The following DCC variants were observed in gnomAD, a reference collection of about 807,000 sequenced individuals.
The protein encoded by DCC is DCC netrin 1 receptor.
A neutral mutation model predicts 172.5 loss-of-function variants in DCC; 58 were observed. The observed-to-expected ratio is 0.34, with a 90% CI of 0.27 to 0.42. The LOEUF (loss-of-function observed/expected upper bound fraction) is 0.42, where lower values mean the gene tolerates loss of function less well. Ranked by LOEUF, DCC falls within the 10% of genes least tolerant of loss-of-function variation. DCC has a pLI of 1.00. For synonymous variants in DCC, 709 were observed against 644.5 expected, an observed-to-expected ratio of 1.10 and a Z score of -1.52; for missense variants, 1,740 against 1,791.0, an observed-to-expected ratio of 0.97 and a Z score of 0.51.
At chr18:52,654,518 C>T (rs1445546298) in intron 1 of DCC, among the ~76,000 whole-genome samples, 1 of 152,100 alleles carries the variant, frequency 6.6e-6, no homozygotes, top group Non-Finnish European at 1.5e-5. Context: ...TCTTCTGAGG[C>T]CTCTCTTTGG....
At chr18:53,247,502 T>G (rs896925529) in intron 12 of DCC, among the ~76,000 whole-genome samples, 1 of 152,014 alleles carries the variant, frequency 6.6e-6, no homozygotes, top group Non-Finnish European at 1.5e-5. Flanking sequence ...GGAAAGAGCA[T>G]AGGAGAGTCT....
At chr18:52,669,875 A>G (rs2035521246) in intron 1 of DCC, among the ~76,000 whole-genome samples, 1 of 152,092 alleles carries the variant, frequency 6.6e-6, no homozygotes, top group South Asian at 2.1e-4. Context: ...CAAAACAAAA[A>G]ACACAAAGTG....
At chr18:53,489,903 G>C (rs1206152276) in intron 26 of DCC, among the ~76,000 whole-genome samples, 1 of 150,942 alleles carries the variant, frequency 6.6e-6, no homozygotes, top group Non-Finnish European at 1.5e-5. Context: ...TATCCCTAGG[G>C]AACAGTTTAG....
At chr18:52,614,379 G>A (rs147092943) in intron 1 of DCC, among the ~76,000 whole-genome samples, 2,558 of 152,230 alleles carry the variant, frequency 0.017, 38 homozygotes, top group Non-Finnish European at 0.024. Context: ...AGATTGCATC[G>A]TGTTCATTAG....
At chr18:52,617,915 G>T (rs2144853809) in intron 1 of DCC, among the ~76,000 whole-genome samples, 1 of 152,200 alleles carries the variant, frequency 6.6e-6, no homozygotes, top group East Asian at 1.9e-4. Flanking sequence ...TCATTCATTT[G>T]AGCCATGTCT....
At chr18:52,832,270 G>A (rs1170754640) in intron 2 of DCC, among the ~76,000 whole-genome samples, 2 of 152,156 alleles carry the variant, frequency 1.3e-5, no homozygotes, top group African/African-American at 4.8e-5. Flanking sequence ...CAATGGCTTA[G>A]TGAGGCCTTC....
chr18:52,425,019 G>A, intron 1 of DCC, among the ~76,000 whole-genome samples: 1 of 151,870 alleles, frequency 6.6e-6, no homozygotes, highest in Non-Finnish European at 1.5e-5. Flanking sequence ...GGGCTTTAGG[G>A]TATACATTGC....
chr18:52,368,628 T>TC (rs2144291224), intron 1 of DCC, among the ~76,000 whole-genome samples: 1 of 152,304 alleles, frequency 6.6e-6, no homozygotes, highest in African/African-American at 2.4e-5. Context: ...GGTGACTTTT[T>TC]CCCACTGTTT....
At position 52,745,384 on chromosome 18, in the gene DCC, C is replaced by T. The variant is rs773165579; in HGVS notation, c.92-6670C>T. 1.3e-4 allele frequency among the ~76,000 whole-genome samples: 20 copies of T among 152,320 alleles called. No homozygotes were observed. In the East Asian group the frequency reaches 1.5e-3, roughly 12 times the overall value. On this transcript the variant is annotated intron_variant, in intron 1 of 28. Transcript: ENST00000442544. ...AGCAAAGTTCTAGAGTTTTAGTTAA[C>T]GTGAGAATTACCTGGAAGACTTCTT...
At chr18:52,998,413 C>G (rs1260046670) in intron 5 of DCC, among the ~76,000 whole-genome samples, 1 of 152,050 alleles carries the variant, frequency 6.6e-6, no homozygotes, top group African/African-American at 2.4e-5. Flanking sequence ...ATGCATCGCT[C>G]TAGACACGAG....
intron 2 of DCC, among the ~76,000 whole-genome samples, chr18:52,877,129 T>C (rs982526230): frequency 8.5e-5 from 13 of 152,224 alleles, no homozygotes; most frequent in African/African-American, 3.1e-4. Context: ...TGCCTTGGTG[T>C]GTATTGGTCT....
chr18:53,005,777 G>C (rs1284510320), intron 5 of DCC, among the ~76,000 whole-genome samples: 2 of 152,132 alleles, frequency 1.3e-5, no homozygotes, highest in African/African-American at 4.8e-5. Flanking sequence ...TGTTATAATT[G>C]TTTGTTGGTT....
At chr18:52,925,652 A>T (rs2040189873) in intron 5 of DCC, among the ~76,000 whole-genome samples, 1 of 152,028 alleles carries the variant, frequency 6.6e-6, no homozygotes, top group South Asian at 2.1e-4. Context: ...GATGTGTTGA[A>T]TAATAAATAT....
In DCC at chr18:53,000,994, C is replaced by T. The variant is rs144698315; in HGVS notation, c.986-62311C>T. On this transcript the variant is annotated intron_variant, in intron 5 of 28. Coordinates refer to ENST00000442544, the MANE Select transcript of DCC (RefSeq NM_005215.4). The stretch of plus-strand genomic sequence containing the variant: ...ATAGGCGTGAGGATGTGTTACTGTG[C>T]ATCTCTTCCCAACTTTATGTTCAGT... 4.6e-5 allele frequency among the ~76,000 whole-genome samples: 7 copies of T among 151,996 alleles called. No individual in the cohort carries two copies. In the East Asian group the frequency reaches 1.4e-3, roughly 30 times the overall value.
intron 2 of DCC, among the ~76,000 whole-genome samples, chr18:52,900,992 G>T (rs1325925655): frequency 6.6e-6 from 1 of 152,214 alleles, no homozygotes; most frequent in African/African-American, 2.4e-5. Flanking sequence ...AAACAACAAA[G>T]TGTATTGAGT....
At chr18:52,833,472 G>T (rs926021791) in intron 2 of DCC, among the ~76,000 whole-genome samples, 10 of 151,976 alleles carry the variant, frequency 6.6e-5, no homozygotes, top group Non-Finnish European at 1.5e-5. Flanking sequence ...ATGACATTGA[G>T]TATTTTTTTT....
At chr18:53,494,983 G>C (rs1158483079) in intron 26 of DCC, among the ~76,000 whole-genome samples, 1 of 152,168 alleles carries the variant, frequency 6.6e-6, no homozygotes, top group Non-Finnish European at 1.5e-5. Flanking sequence ...AGGAGCTCTT[G>C]TAAGGCAGGC....
chr18:52,760,316 C>A lies in DCC; in HGVS notation c.412+7942C>A, dbSNP rs865777953. Among the ~76,000 whole-genome samples the A allele has an allele frequency of 5.3e-5, 8 of 152,288 alleles. No individual in the cohort carries two copies. The East Asian group carries it at 1.4e-3, about 26-fold the overall frequency. ...CTATCATGAGAACAGCATTGGGGAA[C>A]AACCCCCATGGCTCAATCACCTCCC... On this transcript the variant is annotated intron_variant, in intron 2 of 28. Transcript: ENST00000442544.
chr18:53,162,428 T>A (rs1157381943), intron 8 of DCC, among the ~76,000 whole-genome samples: 1 of 152,192 alleles, frequency 6.6e-6, no homozygotes, highest in African/African-American at 2.4e-5. Context: ...AGTCTTACCA[T>A]AGCAGCTGGA....
Sources: gnomAD v4.1 joint callset for allele counts (sites outside exome capture counted in the v4.1 genomes callset) on GRCh38, gnomAD v4.1.1 for gene constraint, MANE v1.5 for transcripts, NCBI Gene and HGNC (gene_info 2026-07-23, HGNC 2026-07-21) for gene names.